The following LRBA variants were observed in gnomAD, a reference collection of about 807,000 sequenced individuals.
LRBA encodes LPS responsive beige-like anchor protein.
Under a neutral mutation model 330.0 loss-of-function variants are expected in LRBA, and 176 were observed. The ratio of observed to expected loss-of-function variants is 0.53; its 90% CI spans 0.47 to 0.60. The LOEUF (loss-of-function observed/expected upper bound fraction) is 0.60, where lower values mean the gene tolerates loss of function less well. Among genes scored for constraint, LRBA ranks in the 20% least tolerant of loss-of-function variants. The probability of loss-of-function intolerance (pLI) is 0.00; values close to 1 mark genes in which losing one functional copy is unlikely to be tolerated. For missense variants in LRBA, 3,259 were observed against 3,444.8 expected, an observed-to-expected ratio of 0.95 and a Z score of 1.35; for synonymous variants, 1,230 against 1,193.0, an observed-to-expected ratio of 1.03 and a Z score of -0.64.
At chr4:150,918,991 G>A (rs1732948957) in intron 5 of LRBA, among the ~76,000 whole-genome samples, 1 of 152,106 alleles carries the variant, frequency 6.6e-6, no homozygotes, top group Non-Finnish European at 1.5e-5. Context: ...ACTAGCCCAA[G>A]AAGTGAAAAT....
intron 37 of LRBA, among the ~76,000 whole-genome samples, chr4:150,616,463 T>C (rs1404634623): frequency 6.6e-6 from 1 of 151,600 alleles, no homozygotes; most frequent in East Asian, 1.9e-4. Flanking sequence ...AGAAACCAAA[T>C]GAAAAAAATG....
intron 9 of LRBA, among the ~76,000 whole-genome samples, chr4:150,911,111 G>C (rs770519946): frequency 1.3e-5 from 2 of 152,116 alleles, no homozygotes; most frequent in Non-Finnish European, 2.9e-5. Context: ...AGGATTTTTA[G>C]ATATAAGGTC....
At chr4:150,826,320 A>T (rs1275838591) in intron 30 of LRBA, among the ~76,000 whole-genome samples, 2 of 152,146 alleles carry the variant, frequency 1.3e-5, no homozygotes, top group Non-Finnish European at 2.9e-5. Context: ...CCTATTTGGG[A>T]TGGGGGGGAA....
Position 150,335,356 on chromosome 4 carries a change from T to C in LRBA, c.7363-9458A>G, listed in dbSNP as rs556444202. Among the ~76,000 whole-genome samples the C allele has an allele frequency of 5.4e-4, 82 of 151,378 alleles. 2 individuals are homozygous for C. The South Asian group carries it at 9.4e-3, about 17-fold the overall frequency. ...AAAAATTTCTAACTACCAAAGTATA[T>C]AGAGTATGACCTTATTTCAGCAAAA... On this transcript the variant is annotated intron_variant, in intron 48 of 56. Transcript: ENST00000651943.
At chr4:150,269,903 C>A (rs1228202556) in intron 56 of LRBA, among the ~76,000 whole-genome samples, 2 of 152,088 alleles carry the variant, frequency 1.3e-5, no homozygotes, top group African/African-American at 2.4e-5. Flanking sequence ...GTGATTGTGC[C>A]ACTGCACTCC....
chr4:150,871,106 G>C (rs1177284365), intron 19 of LRBA, among the ~76,000 whole-genome samples: 2 of 152,130 alleles, frequency 1.3e-5, no homozygotes, highest in Non-Finnish European at 2.9e-5. Flanking sequence ...AGCCGGGTTA[G>C]GTGGTGTGCA....
intron 47 of LRBA, among the ~76,000 whole-genome samples, chr4:150,396,478 T>TCACACACACACA (rs1444805623): frequency 2.0e-4 from 12 of 61,214 alleles, no homozygotes; most frequent in Non-Finnish European, 2.8e-4. Flanking sequence ...ATAAATCTCA[T>TCACACACACACA]CTCACACACA....
intron 34 of LRBA, among the ~76,000 whole-genome samples, chr4:150,765,615 A>G (rs913789138): frequency 3.9e-5 from 6 of 152,138 alleles, no homozygotes; most frequent in Non-Finnish European, 7.4e-5. Context: ...AGTATTTACT[A>G]GTACTATTTT....
chr4:150,470,876 C>CACACCACA (rs1554034850), intron 43 of LRBA, among the ~76,000 whole-genome samples: 1 of 143,708 alleles, frequency 7.0e-6, no homozygotes, highest in African/African-American at 2.6e-5. Flanking sequence ...CACACACACA[C>CACACCACA]CACACACTAA....
In LRBA at chr4:150,374,644, T is replaced by G. The variant is rs190020155; in HGVS notation, c.7195-24485A>C. On this transcript the variant is annotated intron_variant, in intron 47 of 56. Transcript: ENST00000651943. ...CAACATGATGCTAAAAGGAAATGCTTATTGAAGAATTTCAGATTTCAGATT... is the reference window on the plus strand; with the variant it reads ...CAACATGATGCTAAAAGGAAATGCTGATTGAAGAATTTCAGATTTCAGATT... Among the ~76,000 whole-genome samples the G allele has an allele frequency of 3.0e-3, 453 of 152,340 alleles. 3 individuals are homozygous for G. Among genetic ancestry groups the G allele is most frequent in the Non-Finnish European group, 5.4e-3 (367 of 68,032 alleles).
At chr4:150,940,147 T>C (rs921733637) in intron 2 of LRBA, among the ~76,000 whole-genome samples, 10 of 151,690 alleles carry the variant, frequency 6.6e-5, no homozygotes, top group African/African-American at 2.4e-4. Flanking sequence ...CTTATGCCTG[T>C]AATCTCAGTA....
intron 55 of LRBA, 99 bp from the exon 56 acceptor site, chr4:150,278,103 G>T: frequency 4.3e-6 from 4 of 926,018 alleles, no homozygotes; most frequent in Middle Eastern, 2.4e-4. Context: ...CTACGGTGCA[G>T]AGAGAAGAGA....
chr4:150,320,421 T>C (rs1245914142), intron 50 of LRBA, among the ~76,000 whole-genome samples: 1 of 31,908 alleles, frequency 3.1e-5, no homozygotes, highest in East Asian at 3.4e-4. Flanking sequence ...TTAAGTGTTC[T>C]TTTTTTTTTC....
chr4:150,644,982 C>G (rs993211416), intron 37 of LRBA, among the ~76,000 whole-genome samples: 1 of 151,684 alleles, frequency 6.6e-6, no homozygotes, highest in South Asian at 2.1e-4. Flanking sequence ...TTTATCGAAC[C>G]AGGAGTGTCA....
At chr4:150,864,487 A>C (rs7697667) in intron 22 of LRBA, among the ~76,000 whole-genome samples, 2,173 of 152,228 alleles carry the variant, frequency 0.014, 57 homozygotes, top group African/African-American at 0.048. Context: ...GTTTGGCTTC[A>C]TAGAAGACAA....
chr4:150,509,179 T>A (rs1331103393), intron 40 of LRBA, among the ~76,000 whole-genome samples: 1 of 152,080 alleles, frequency 6.6e-6, no homozygotes, highest in Admixed American at 6.6e-5. Flanking sequence ...ATATACATAT[T>A]ATTAAAACAT....
chr4:150,728,927 A>G (rs1161370097), intron 36 of LRBA, among the ~76,000 whole-genome samples: 1 of 152,208 alleles, frequency 6.6e-6, no homozygotes, highest in African/African-American at 2.4e-5. Flanking sequence ...TTTGCAGATG[A>G]TGTGATCTTA....
intron 37 of LRBA, among the ~76,000 whole-genome samples, chr4:150,664,602 T>A (rs1306849872): frequency 6.6e-6 from 1 of 152,158 alleles, no homozygotes; most frequent in Non-Finnish European, 1.5e-5. Context: ...CCCTAACATT[T>A]CACATATGAC....
chr4:150,498,427 G>T (rs1362097574), intron 40 of LRBA, among the ~76,000 whole-genome samples: 1 of 152,036 alleles, frequency 6.6e-6, no homozygotes, highest in East Asian at 1.9e-4. Flanking sequence ...AACAAAGAAG[G>T]TATTTATTTA....
Sources: allele counts gnomAD v4.1 joint callset (sites outside exome capture counted in the v4.1 genomes callset), GRCh38; gene constraint gnomAD v4.1.1; transcripts MANE v1.5; gene names NCBI Gene and HGNC (gene_info 2026-07-23, HGNC 2026-07-21).